Variants in POT1 observed in about 807,000 individuals in gnomAD.
The protein encoded by POT1 is protection of telomeres protein 1.
A neutral mutation model predicts 78.5 loss-of-function variants in POT1; 47 were observed. The ratio of observed to expected loss-of-function variants is 0.60; its 90% confidence interval spans 0.47 to 0.76. POT1 has a LOEUF of 0.76. Ranked by LOEUF, POT1 falls within the 30% of genes least tolerant of loss-of-function variation. POT1 has a pLI of 0.00. For synonymous variants in POT1, 259 were observed against 260.7 expected (o/e 0.99, Z 0.06); for missense variants, 646 against 749.9 (o/e 0.86, Z 1.62).
chr7:124,904,636 T>C (rs1185500943), intron 3 of POT1, among the ~76,000 whole-genome samples: 2 of 139,382 alleles, frequency 1.4e-5, no homozygotes, highest in East Asian at 4.3e-4. Context: ...GTGTTGGAAG[T>C]TCTGGCCAGG....
At chr7:124,872,063 T>C (rs907658107) in intron 6 of POT1, among the ~76,000 whole-genome samples, 5 of 152,114 alleles carry the variant, frequency 3.3e-5, no homozygotes, top group Admixed American at 3.3e-4. Context: ...ACCATTCTAC[T>C]CTCTACTTCT....
intron 2 of POT1, among the ~76,000 whole-genome samples, chr7:124,921,675 A>G (rs1797153831): frequency 6.6e-6 from 1 of 152,108 alleles, no homozygotes; most frequent in South Asian, 2.1e-4. Context: ...CAAAAGGTTC[A>G]GTGAACTCAA....
At chr7:124,844,011 C>A (rs1319225039) in intron 12 of POT1, among the ~76,000 whole-genome samples, 1 of 152,110 alleles carries the variant, frequency 6.6e-6, no homozygotes, top group Non-Finnish European at 1.5e-5. Flanking sequence ...AATGAGTCTG[C>A]CCAAATATAT....
chr7:124,926,734 C>T (rs1408748741), intron 2 of POT1, among the ~76,000 whole-genome samples: 1 of 152,144 alleles, frequency 6.6e-6, no homozygotes, highest in Non-Finnish European at 1.5e-5. Context: ...GTACACAATA[C>T]TATTTAGACA....
chr7:124,883,612 A>T (rs1389374891), intron 6 of POT1, among the ~76,000 whole-genome samples: 1 of 152,100 alleles, frequency 6.6e-6, no homozygotes, highest in African/African-American at 2.4e-5. Flanking sequence ...TATTCAGGTA[A>T]GTGAATATGA....
chr7:124,922,063 C>T (rs966006374), intron 2 of POT1, among the ~76,000 whole-genome samples: 1 of 151,618 alleles, frequency 6.6e-6, no homozygotes, highest in African/African-American at 2.4e-5. Context: ...AAATCACATA[C>T]GAAACAACAG....
chr7:124,828,139 ATAAAAT>A (rs1562974067), intron 16 of POT1, among the ~76,000 whole-genome samples: 2 of 152,208 alleles, frequency 1.3e-5, no homozygotes, highest in African/African-American at 4.8e-5. Context: ...TTTATGAAAG[ATAAAAT>A]TAAAATACAG....
chr7:124,832,251 C>CG (rs1398300359), intron 15 of POT1, among the ~76,000 whole-genome samples: 1 of 38,286 alleles, frequency 2.6e-5, no homozygotes. Context: ...GACACTGTCT[C>CG]CAAAAAAAAA....
At chr7:124,864,173 C>T (rs1382261469) in intron 7 of POT1, among the ~76,000 whole-genome samples, 3 of 152,148 alleles carry the variant, frequency 2.0e-5, no homozygotes, top group African/African-American at 4.8e-5. Flanking sequence ...TATATTGTTA[C>T]ATCTTCATGA....
intron 3 of POT1, among the ~76,000 whole-genome samples, chr7:124,904,420 A>C (rs984009468): frequency 2.0e-5 from 3 of 152,200 alleles, no homozygotes; most frequent in Non-Finnish European, 4.4e-5. Context: ...ATAGACGCAG[A>C]AAAGGCCTTC....
intron 3 of POT1, among the ~76,000 whole-genome samples, chr7:124,901,990 G>C (rs1796632953): frequency 6.6e-6 from 1 of 152,072 alleles, no homozygotes; most frequent in Admixed American, 6.6e-5. Context: ...AGAGTAAAAA[G>C]AAATGAACAA....
chr7:124,895,907 T>A (rs1397064840), intron 5 of POT1, among the ~76,000 whole-genome samples: 1 of 151,618 alleles, frequency 6.6e-6, no homozygotes, highest in Non-Finnish European at 1.5e-5. Context: ...TCAGATCACA[T>A]AAGTGGGCTA....
chr7:124,904,441 G>C (rs1218381519), intron 3 of POT1, among the ~76,000 whole-genome samples: 1 of 152,014 alleles, frequency 6.6e-6, no homozygotes, highest in Non-Finnish European at 1.5e-5. Context: ...AACAAAATTC[G>C]ACAGCCCTTC....
At chr7:124,880,676 G>C (rs1224157390) in intron 6 of POT1, among the ~76,000 whole-genome samples, 1 of 151,976 alleles carries the variant, frequency 6.6e-6, no homozygotes, top group East Asian at 1.9e-4. Context: ...AAAGACTCTA[G>C]GTAACACTTT....
chr7:124,899,378 CAT>C (rs1796566756), intron 3 of POT1, among the ~76,000 whole-genome samples: 1 of 152,132 alleles, frequency 6.6e-6, no homozygotes, highest in Non-Finnish European at 1.5e-5. Context: ...TTTTTCTTCA[CAT>C]GAGATTGCAA....
chr7:124,871,725 C>A (rs1476572114), intron 6 of POT1, among the ~76,000 whole-genome samples: 2 of 111,362 alleles, frequency 1.8e-5, no homozygotes, highest in Admixed American at 2.1e-4. Flanking sequence ...TAGATCCTGC[C>A]TTAAAATTTT....
At chr7:124,862,807 C>A (rs748333164) in intron 8 of POT1, among the ~76,000 whole-genome samples, 1 of 152,148 alleles carries the variant, frequency 6.6e-6, no homozygotes, top group African/African-American at 2.4e-5. Flanking sequence ...AAGTTACTCT[C>A]TAAACTGGGA....
chr7:124,900,790 CT>C, intron 3 of POT1: 1 of 378,778 alleles, frequency 2.6e-6, no homozygotes, highest in Non-Finnish European at 5.5e-6. Context: ...CATCGGGACA[CT>C]CCTGCCATAA....
At chr7:124,893,229 C>T (rs979054769) in intron 5 of POT1, among the ~76,000 whole-genome samples, 4 of 151,328 alleles carry the variant, frequency 2.6e-5, no homozygotes, top group African/African-American at 9.7e-5. Context: ...TAACTAATAT[C>T]TCTTTGAAAC....
Sources: allele counts gnomAD v4.1 joint callset (sites outside exome capture counted in the v4.1 genomes callset), GRCh38; gene constraint gnomAD v4.1.1; transcripts MANE v1.5; gene names NCBI Gene and HGNC (gene_info 2026-07-23, HGNC 2026-07-21).